The following NAV2 variants were observed in gnomAD, a reference collection of about 807,000 sequenced individuals.
The protein encoded by NAV2 is neuron navigator 2.
Under a neutral mutation model 223.2 loss-of-function variants are expected in NAV2, and 54 were observed. The observed-to-expected ratio is 0.24, with a 90% CI of 0.19 to 0.30. The LOEUF (loss-of-function observed/expected upper bound fraction) is 0.30, where lower values mean the gene tolerates loss of function less well. Ranked by LOEUF, NAV2 falls within the 10% of genes least tolerant of loss-of-function variation. NAV2 has a pLI of 1.00. For missense variants in NAV2, 2,806 were observed against 3,147.5 expected (o/e 0.89, Z 2.60); for synonymous variants, 1,279 against 1,239.3 (o/e 1.03, Z -0.67).
At chr11:19,524,814 A>G (rs2043793844) in intron 1 of NAV2, among the ~76,000 whole-genome samples, 1 of 152,182 alleles carries the variant, frequency 6.6e-6, no homozygotes, top group African/African-American at 2.4e-5. Flanking sequence ...TTTCCTGCTA[A>G]TTCTTTACAA....
chr11:20,084,488 T>C (rs2060291323), intron 26 of NAV2, among the ~76,000 whole-genome samples: 1 of 152,180 alleles, frequency 6.6e-6, no homozygotes, highest in African/African-American at 2.4e-5. Flanking sequence ...CAATTCCTCT[T>C]TTCTTGGAGA....
rs115904520 is a variant in NAV2 at position 20,002,207 on chromosome 11, A to G, written c.2768+17960A>G. On this transcript the variant is annotated intron_variant, in intron 11 of 37. Transcript: ENST00000349880. ...CACCTTCCAAAGACTCCACCTCTAA[A>G]CACTATCGCATTGGGGGTTAGATTT... Among the ~76,000 whole-genome samples, 492 of 152,226 alleles carry G rather than the reference A, an allele frequency of 3.2e-3. 4 individuals are homozygous for G. Among genetic ancestry groups the G allele is most frequent in the African/African-American group, 0.011 (473 of 41,526 alleles).
chr11:19,753,727 A>C (rs1250102154), intron 1 of NAV2, among the ~76,000 whole-genome samples: 1 of 152,194 alleles, frequency 6.6e-6, no homozygotes, highest in Non-Finnish European at 1.5e-5. Flanking sequence ...GTGGGGGTGG[A>C]CCCAGCCCCT....
Position 19,543,412 on chromosome 11 carries a change from T to G in NAV2, c.75+192385T>G, listed in dbSNP as rs534199153. 1.2e-4 allele frequency among the ~76,000 whole-genome samples: 19 copies of G among 152,330 alleles called. No homozygotes were observed. The South Asian group carries it at 2.9e-3, about 23-fold the overall frequency. On this transcript the variant is annotated intron_variant, in intron 1 of 37. Transcript: ENST00000360655. ...TAACAGTAATCATTGCTATCATCAG[T>G]GAAATGTCACTGGGCTTTTTGTGTT...
chr11:19,402,851 A>T (rs1849744706), intron 1 of NAV2, among the ~76,000 whole-genome samples: 1 of 152,222 alleles, frequency 6.6e-6, no homozygotes, highest in South Asian at 2.1e-4. Context: ...ATGTATGAGT[A>T]AGGAGCAGGA....
chr11:19,695,820 C>T (rs2049315065), intron 1 of NAV2, among the ~76,000 whole-genome samples: 1 of 151,274 alleles, frequency 6.6e-6, no homozygotes, highest in Non-Finnish European at 1.5e-5. Flanking sequence ...AGGAGAATCA[C>T]TTGAACTCGG....
In NAV2 at chr11:19,773,430, T is replaced by C. The variant is rs115608510; in HGVS notation, c.268-59054T>C. ...TCAAGAATGGTCATGCTCAGGGAGA[T>C]AGGCTAAGCTGGCAGTCAGGGCCAG... On this transcript the variant is annotated intron_variant, in intron 1 of 37. Coordinates refer to ENST00000349880, the MANE Select transcript of NAV2 (RefSeq NM_145117.5). Among the ~76,000 whole-genome samples the C allele has an allele frequency of 6.9e-3, 1,053 of 152,162 alleles. 16 individuals carry two copies. Among genetic ancestry groups the C allele is most frequent in the African/African-American group, 0.024 (976 of 41,520 alleles).
chr11:19,863,328 C>T (rs1178558720), intron 3 of NAV2, among the ~76,000 whole-genome samples: 4 of 152,218 alleles, frequency 2.6e-5, no homozygotes, highest in Non-Finnish European at 5.9e-5. Context: ...CCTTGCCTGC[C>T]ATGCTCCAGC....
chr11:19,638,352 A>T (rs2047562744), intron 1 of NAV2, among the ~76,000 whole-genome samples: 1 of 152,242 alleles, frequency 6.6e-6, no homozygotes, highest in South Asian at 2.1e-4. Context: ...CATGCACTAC[A>T]AAAGCAACCT....
intron 6 of NAV2, among the ~76,000 whole-genome samples, chr11:19,906,294 C>T (rs1280740087): frequency 6.6e-6 from 1 of 152,152 alleles, no homozygotes; most frequent in African/African-American, 2.4e-5. Flanking sequence ...AAGAGGACAC[C>T]AGTTTTTGTC....
At chr11:19,433,482 A>G (rs1851106302) in intron 1 of NAV2, among the ~76,000 whole-genome samples, 1 of 152,242 alleles carries the variant, frequency 6.6e-6, no homozygotes, top group Non-Finnish European at 1.5e-5. Context: ...TGACCTGCCT[A>G]AAAGGAGGAA....
chr11:19,589,039 C>A (rs2045978324), intron 1 of NAV2, among the ~76,000 whole-genome samples: 1 of 152,224 alleles, frequency 6.6e-6, no homozygotes, highest in African/African-American at 2.4e-5. Context: ...ACTCACCATA[C>A]CTGGTCCTTC....
intron 1 of NAV2, among the ~76,000 whole-genome samples, chr11:19,641,128 C>T (rs1482553196): frequency 6.6e-6 from 1 of 152,170 alleles, no homozygotes; most frequent in Admixed American, 6.5e-5. Context: ...GTAGCTGGCT[C>T]ACCATCCCAT....
chr11:19,687,847 G>A (rs957017764), intron 1 of NAV2, among the ~76,000 whole-genome samples: 1 of 152,102 alleles, frequency 6.6e-6, no homozygotes, highest in African/African-American at 2.4e-5. Context: ...GGCAAGTGTG[G>A]GATCACAGAA....
At chr11:20,017,888 G>A (rs1362347276) in intron 11 of NAV2, among the ~76,000 whole-genome samples, 1 of 152,180 alleles carries the variant, frequency 6.6e-6, no homozygotes, top group Non-Finnish European at 1.5e-5. Context: ...CATACACACA[G>A]ATCCTCTTTT....
At chr11:19,411,082 C>G (rs945794072) in intron 1 of NAV2, among the ~76,000 whole-genome samples, 1 of 152,150 alleles carries the variant, frequency 6.6e-6, no homozygotes, top group Non-Finnish European at 1.5e-5. Flanking sequence ...CACGGGCATG[C>G]CAGTCACCTG....
chr11:19,558,286 C>T (rs1360287980), intron 1 of NAV2, among the ~76,000 whole-genome samples: 1 of 152,208 alleles, frequency 6.6e-6, no homozygotes, highest in Non-Finnish European at 1.5e-5. Context: ...CAGCAACTCG[C>T]TTCCTCATGT....
At chr11:20,035,190 T>C (rs1164084279) in intron 11 of NAV2, among the ~76,000 whole-genome samples, 1 of 151,946 alleles carries the variant, frequency 6.6e-6, no homozygotes, top group East Asian at 1.9e-4. Context: ...CACCATGAAC[T>C]GCAGGGTGGC....
intron 11 of NAV2, chr11:20,027,490 C>G: frequency 2.1e-6 from 2 of 973,700 alleles, no homozygotes; most frequent in Non-Finnish European, 2.4e-6. Context: ...TGCAGCTGGT[C>G]ACAGCTGCGC....
Sources: allele counts gnomAD v4.1 joint callset (sites outside exome capture counted in the v4.1 genomes callset), GRCh38; gene constraint gnomAD v4.1.1; transcripts MANE v1.5; gene names NCBI Gene and HGNC (gene_info 2026-07-23, HGNC 2026-07-21).